C6: variants seen among roughly 807,000 people sequenced by gnomAD.
C6 encodes the protein complement component C6.
A neutral mutation model predicts 112.9 loss-of-function variants in C6; 101 were observed. The ratio of observed to expected loss-of-function variants is 0.89; its 90% CI spans 0.76 to 1.06. The LOEUF (loss-of-function observed/expected upper bound fraction) is 1.06, where lower values mean the gene tolerates loss of function less well. Ranked by LOEUF, C6 falls within the 50% of genes least tolerant of loss-of-function variation. C6 has a pLI of 0.00. For synonymous variants in C6, 431 were observed against 384.1 expected (o/e 1.12, Z -1.43); for missense variants, 1,202 against 1,104.6 (o/e 1.09, Z -1.25).
In C6 at chr5:41,172,224, C is replaced by A; in HGVS notation, c.1291+1G>T. The A allele has an allele frequency of 6.3e-7, 1 of 1,591,128 alleles. No homozygotes were observed. Among genetic ancestry groups the A allele is most frequent in the Non-Finnish European group, 8.6e-7 (1 of 1,159,064 alleles). On this transcript the variant is annotated splice_donor_variant, in intron 9 of 17. Coordinates refer to ENST00000337836, the MANE Select transcript of C6 (RefSeq NM_000065.5). LOFTEE classifies it high-confidence loss of function. Reference sequence around the variant, plus strand: ...AAGCTGCTAAGAGAGAGTACTGTTACCTTCATGTTTCTCTGACAGCTTGTT... The same window carrying A: ...AAGCTGCTAAGAGAGAGTACTGTTAACTTCATGTTTCTCTGACAGCTTGTT...
At chr5:41,175,968 T>C (rs1748807498) in intron 8 of C6, among the ~76,000 whole-genome samples, 1 of 152,226 alleles carries the variant, frequency 6.6e-6, no homozygotes, top group Admixed American at 6.5e-5. Flanking sequence ...CTTAGTCGCT[T>C]GTCAAGTTTT....
At chr5:41,153,168 A>G (rs546147626) in intron 15 of C6, 2 of 152,370 alleles carry the variant, frequency 1.3e-5, no homozygotes, top group Non-Finnish European at 2.9e-5. Flanking sequence ...GGTTTTATTT[A>G]TGATTGTCTT....
At chr5:41,233,906 C>A (rs1038481349) in intron 1 of C6, among the ~76,000 whole-genome samples, 1 of 151,894 alleles carries the variant, frequency 6.6e-6, no homozygotes, top group Non-Finnish European at 1.5e-5. Context: ...TTCTTTTGGT[C>A]ATAATAAATA....
chr5:41,170,447 TG>T (rs1748331919), intron 9 of C6, among the ~76,000 whole-genome samples: 1 of 152,032 alleles, frequency 6.6e-6, no homozygotes, highest in East Asian at 1.9e-4. Context: ...TCTGAGTTCT[TG>T]ATTTATTGAA....
At chr5:41,250,440 G>A (rs901320704) in intron 1 of C6, among the ~76,000 whole-genome samples, 1 of 152,026 alleles carries the variant, frequency 6.6e-6, no homozygotes, top group Admixed American at 6.6e-5. Context: ...TTTGTACCCA[G>A]TTATATTTTA....
At chr5:41,194,657 G>A (rs1580162085) in intron 5 of C6, among the ~76,000 whole-genome samples, 2 of 152,258 alleles carry the variant, frequency 1.3e-5, no homozygotes, top group South Asian at 4.1e-4. Context: ...CTGCCTTCTG[G>A]CCAAAAATTT....
intron 1 of C6, among the ~76,000 whole-genome samples, chr5:41,231,974 T>C (rs922939754): frequency 5.3e-5 from 8 of 152,096 alleles, no homozygotes; most frequent in African/African-American, 1.9e-4. Flanking sequence ...TGAAGTTTAG[T>C]GTCTGTGGAG....
chr5:41,142,531 T>C lies in C6; in HGVS notation c.*294A>G, dbSNP rs551637633. 77 of 411,918 alleles carry C rather than the reference T, an allele frequency of 1.9e-4. No individual in the cohort carries two copies. Among genetic ancestry groups the C allele is most frequent in the East Asian group, 5.4e-4 (13 of 23,896 alleles). The allele number at this position is 411,918 out of a possible 1,614,324, so 25.5% of individuals were successfully genotyped here. A position where few individuals can be genotyped will look rare whatever the true frequency, so the allele number is the denominator to read the frequency against. Reference sequence around the variant, plus strand: ...AGAATGCTTAATGTCACAGGCTACATAAGGGCCTCAGAAGTCACATTATTT... The same window carrying C: ...AGAATGCTTAATGTCACAGGCTACACAAGGGCCTCAGAAGTCACATTATTT... On this transcript the variant is annotated 3_prime_UTR_variant, in exon 18 of 18. Coordinates refer to ENST00000337836, the MANE Select transcript of C6 (RefSeq NM_000065.5).
intron 1 of C6, among the ~76,000 whole-genome samples, chr5:41,208,486 A>C (rs976399188): frequency 6.6e-6 from 1 of 152,220 alleles, no homozygotes. Flanking sequence ...AGACTAATAA[A>C]GAAGAAAAGA....
At chr5:41,198,774 G>A (rs569272127) in intron 4 of C6, among the ~76,000 whole-genome samples, 204 of 152,202 alleles carry the variant, frequency 1.3e-3, no homozygotes, top group African/African-American at 4.8e-3. Flanking sequence ...CTGAATAAGA[G>A]TCTTTTTTGC....
upstream of C6, among the ~76,000 whole-genome samples, chr5:41,214,691 A>G (rs191121569): frequency 6.6e-6 from 1 of 152,282 alleles, no homozygotes; most frequent in East Asian, 1.9e-4. Context: ...ATGTCATTTA[A>G]TTTGCATATT....
chr5:41,189,493 T>C (rs190293390), intron 5 of C6, among the ~76,000 whole-genome samples: 1 of 152,168 alleles, frequency 6.6e-6, no homozygotes, highest in East Asian at 1.9e-4. Context: ...ATTTTTAATA[T>C]TACATTTTTA....
chr5:41,214,814 T>C (rs1220756293), upstream of C6, among the ~76,000 whole-genome samples: 1 of 152,134 alleles, frequency 6.6e-6, no homozygotes. Context: ...GATGCAAAGT[T>C]AGGTGCCAGT....
At position 41,159,186 on chromosome 5, in the gene C6, C is replaced by G. The variant is rs369711642; in HGVS notation, c.1752G>C (p.Ser584=). The change falls in exon 12 of 18, where the codon TCG becomes TCC. Residue 584 remains serine (S), a synonymous_variant. Transcript: ENST00000337836. ...CAGGATTATTGCATTCTCGGGTTCT[C>G]GATCTCTTATAAGTAGCATCACAGG... ...WSTCDATYKR[S]RTRECNNPAP... 2 of 1,613,422 alleles carry G rather than the reference C, an allele frequency of 1.2e-6. No homozygotes were observed. The highest frequency in any genetic ancestry group is 1.7e-6 in the Non-Finnish European group (2 of 1,179,732).
At chr5:41,158,957 T>A in intron 12 of C6, 125 bp downstream of exon 12, 1 of 1,267,604 alleles carries the variant, frequency 7.9e-7, no homozygotes. Context: ...ATTAATATTC[T>A]GTGTTGGCAT....
rs1409920015 is a variant in C6, at chr5:41,163,514, C to T, written c.1292-1655G>A. On this transcript the variant is annotated intron_variant, in intron 9 of 17. Coordinates refer to ENST00000337836, the MANE Select transcript of C6 (RefSeq NM_000065.5). ...TTTTAGTAGAGACAGGGTTTCACCA[C>T]GTTGGCCAGGATGGTCTTGGTCTCC... 4.0e-5 allele frequency among the ~76,000 whole-genome samples: 6 copies of T among 151,828 alleles called. 1 individual carries two copies. The highest frequency in any genetic ancestry group is 4.1e-4 in the South Asian group (2 of 4,820).
intron 9 of C6, among the ~76,000 whole-genome samples, chr5:41,169,435 G>T (rs920188233): frequency 1.3e-5 from 2 of 152,074 alleles, no homozygotes; most frequent in African/African-American, 4.8e-5. Context: ...ACCCAGAACG[G>T]CTGGGTTACA....
intron 6 of C6, among the ~76,000 whole-genome samples, chr5:41,183,310 G>A (rs774168535): frequency 1.3e-5 from 2 of 152,102 alleles, no homozygotes; most frequent in Non-Finnish European, 2.9e-5. Context: ...TTTTTAATGT[G>A]TTTACCTGTG....
intron 17 of C6, 49 bp from the exon 18 acceptor site, chr5:41,143,055 G>T: frequency 6.4e-7 from 1 of 1,566,632 alleles, no homozygotes; most frequent in South Asian, 1.1e-5. Flanking sequence ...GTACATTAGG[G>T]TTTGGCTTTA....
Sources: gnomAD v4.1 joint callset for allele counts (sites outside exome capture counted in the v4.1 genomes callset) on GRCh38, gnomAD v4.1.1 for gene constraint, MANE v1.5 for transcripts, NCBI Gene and HGNC (gene_info 2026-07-23, HGNC 2026-07-21) for gene names.